The following LTBP1 variants were observed in gnomAD, a reference collection of about 807,000 sequenced individuals.
LTBP1 encodes latent transforming growth factor beta binding protein 1.
A neutral mutation model predicts 207.6 loss-of-function variants in LTBP1; 129 were observed. That is an observed-to-expected ratio of 0.62 (90% CI 0.54 to 0.72). LTBP1 has a LOEUF of 0.72. Among genes scored for constraint, LTBP1 ranks in the 30% least tolerant of loss-of-function variants. The probability of loss-of-function intolerance (pLI) is 0.00; values close to 1 mark genes in which losing one functional copy is unlikely to be tolerated. For synonymous variants in LTBP1, 963 were observed against 833.7 expected (o/e 1.16, Z -2.67); for missense variants, 2,281 against 2,217.2 (o/e 1.03, Z -0.58).
At chr2:32,949,419 C>G (rs1355609091) in intron 2 of LTBP1, among the ~76,000 whole-genome samples, 1 of 152,170 alleles carries the variant, frequency 6.6e-6, no homozygotes, top group African/African-American at 2.4e-5. Flanking sequence ...ATCCTTCATC[C>G]TTGAGGCCTG....
intron 32 of LTBP1, 83 bp from the exon 33 acceptor site, chr2:33,397,050 A>G (rs988538557): frequency 1.5e-6 from 2 of 1,322,352 alleles, no homozygotes; most frequent in Non-Finnish European, 2.1e-6. Context: ...TATTTGGAAA[A>G]TGAACCATCA....
At chr2:33,060,376 G>GTAT (rs1172140606) in intron 3 of LTBP1, among the ~76,000 whole-genome samples, 3 of 152,126 alleles carry the variant, frequency 2.0e-5, no homozygotes. Flanking sequence ...ATCTCTAGGG[G>GTAT]TATTTGCATT....
At chr2:33,169,522 A>G (rs78165255) in intron 5 of LTBP1, among the ~76,000 whole-genome samples, 2,446 of 152,360 alleles carry the variant, frequency 0.016, 24 homozygotes, top group East Asian at 0.027. Flanking sequence ...TAAGCAAGAA[A>G]GAGAAGAAAA....
At chr2:33,242,431 C>T (rs1009082514) in intron 9 of LTBP1, among the ~76,000 whole-genome samples, 1 of 152,176 alleles carries the variant, frequency 6.6e-6, no homozygotes, top group Non-Finnish European at 1.5e-5. Context: ...GTGATTTCCT[C>T]TTTCACTGTA....
chr2:33,111,948 GTACT>G (rs1480650809), intron 4 of LTBP1, among the ~76,000 whole-genome samples: 1 of 152,044 alleles, frequency 6.6e-6, no homozygotes, highest in Non-Finnish European at 1.5e-5. Context: ...TTTGATATTC[GTACT>G]TAAAGAGCCG....
chr2:33,287,069 C>G (rs945456594), intron 19 of LTBP1, among the ~76,000 whole-genome samples: 1 of 149,426 alleles, frequency 6.7e-6, no homozygotes, highest in African/African-American at 2.5e-5. Context: ...TACCCTAAAA[C>G]TTAAAAGTAT....
At chr2:32,952,192 T>C (rs17324124) in intron 2 of LTBP1, among the ~76,000 whole-genome samples, 4,095 of 152,296 alleles carry the variant, frequency 0.027, 81 homozygotes, top group Non-Finnish European at 0.041. Flanking sequence ...GAAACCTAAT[T>C]TAAATGGACC....
chr2:32,980,104 T>C (rs1682529152), intron 2 of LTBP1, among the ~76,000 whole-genome samples: 1 of 151,758 alleles, frequency 6.6e-6, no homozygotes, highest in African/African-American at 2.4e-5. Context: ...CTGTTAGTTT[T>C]TTTAAATGCA....
intron 2 of LTBP1, among the ~76,000 whole-genome samples, chr2:32,980,612 A>G (rs1028843137): frequency 6.6e-6 from 1 of 152,186 alleles, no homozygotes; most frequent in Admixed American, 6.5e-5. Flanking sequence ...TGAAAATATT[A>G]GTAGTTTACA....
At chr2:33,328,794 C>T (rs140282055) in intron 24 of LTBP1, among the ~76,000 whole-genome samples, 1 of 152,270 alleles carries the variant, frequency 6.6e-6, no homozygotes, top group Admixed American at 6.5e-5. Flanking sequence ...ATATGTACTC[C>T]TTTGTGTCTG....
chr2:33,360,442 C>G (rs77278787), intron 26 of LTBP1, among the ~76,000 whole-genome samples, 155 bp from the exon 27 acceptor site: 5,169 of 152,272 alleles, frequency 0.034, 120 homozygotes, highest in Middle Eastern at 0.071. Flanking sequence ...ATTTTTATCT[C>G]AAAGTGGAAG....
intron 6 of LTBP1, 28 bp downstream of exon 6, chr2:33,187,108 C>G: frequency 6.3e-7 from 1 of 1,598,036 alleles, no homozygotes. Flanking sequence ...CGCCCATTTG[C>G]CAGACCTCTG....
rs115958548 is a variant in LTBP1, at chr2:32,970,485, A to G, written c.565+21540A>G. Among the ~76,000 whole-genome samples the G allele has an allele frequency of 6.2e-3, 940 of 152,260 alleles. 12 individuals carry two copies. Among genetic ancestry groups the G allele is most frequent in the African/African-American group, 0.022 (895 of 41,562 alleles). On this transcript the variant is annotated intron_variant, in intron 2 of 33. Transcript: ENST00000404816. ...TTCAATCTTCTGCATGTGGCTAGCTAGTTACCTCGGCACCATTTATTGAAT... is the reference window on the plus strand; with the variant it reads ...TTCAATCTTCTGCATGTGGCTAGCTGGTTACCTCGGCACCATTTATTGAAT...
At chr2:33,100,426 G>T (rs933098854) in intron 3 of LTBP1, among the ~76,000 whole-genome samples, 3 of 152,038 alleles carry the variant, frequency 2.0e-5, no homozygotes, top group Non-Finnish European at 4.4e-5. Context: ...ATGGGGGCAG[G>T]GGGGGCAAGA....
At chr2:33,365,650 T>TGTGTG in intron 31 of LTBP1, 147 bp downstream of exon 31, 1 of 741,368 alleles carries the variant, frequency 1.3e-6, no homozygotes, top group Non-Finnish European at 2.1e-6. Flanking sequence ...TGTGTGTGTG[T>TGTGTG]AGGGCAGAAC....
At chr2:33,328,786 A>G (rs903969103) in intron 24 of LTBP1, among the ~76,000 whole-genome samples, 1 of 152,150 alleles carries the variant, frequency 6.6e-6, no homozygotes, top group African/African-American at 2.4e-5. Context: ...TAATCATAAT[A>G]TGTACTCCTT....
Position 33,224,958 on chromosome 2 carries a change from A to G in LTBP1, c.1876+2807A>G, listed in dbSNP as rs372450984. On this transcript the variant is annotated intron_variant, in intron 9 of 33. Transcript: ENST00000404816. ...TTTTTGTTCAATTGCTACTATTTCT[A>G]ATTTCTTTAGATGCATACTTAGGTC... 3.3e-5 allele frequency among the ~76,000 whole-genome samples: 5 copies of G among 152,004 alleles called. No homozygotes were observed. In the East Asian group the frequency reaches 9.6e-4, roughly 29 times the overall value.
chr2:33,152,924 T>G (rs1345874059), intron 5 of LTBP1, among the ~76,000 whole-genome samples: 1 of 152,232 alleles, frequency 6.6e-6, no homozygotes, highest in East Asian at 1.9e-4. Context: ...GTGCTGCTAC[T>G]TGGACAAGAC....
chr2:33,297,438 T>C (rs2093900601), intron 20 of LTBP1, among the ~76,000 whole-genome samples: 1 of 149,714 alleles, frequency 6.7e-6, no homozygotes, highest in Non-Finnish European at 1.5e-5. Flanking sequence ...TTTATTTATT[T>C]ATTTATTTAT....
Sources: gnomAD v4.1 joint callset for allele counts (sites outside exome capture counted in the v4.1 genomes callset) on GRCh38, gnomAD v4.1.1 for gene constraint, MANE v1.5 for transcripts, NCBI Gene and HGNC (gene_info 2026-07-23, HGNC 2026-07-21) for gene names.